REDIC1: variants seen among roughly 807,000 people sequenced by gnomAD.
REDIC1 encodes HEI10 Interacting Protein 1.
At chr12:39,677,549 CAAAG>C in the REDIC1 span, among the ~76,000 whole-genome samples, 2 of 152,076 alleles carry the variant, frequency 1.3e-5, no homozygotes, top group South Asian at 4.1e-4. Flanking sequence ...AGAAAGTCAA[CAAAG>C]AAACAATAGG....
chr12:39,650,147 A>C, the REDIC1 span: 1 of 1,233,716 alleles, frequency 8.1e-7, no homozygotes, highest in Non-Finnish European at 1.1e-6. This position sits in a 1 kb window ranked among gnomAD's most constrained non-coding sequence, Gnocchi z 4.3. Context: ...ATATAAATGT[A>C]GTTCATTTAC....
chr12:39,683,201 T>C, the REDIC1 span: 1 of 1,423,162 alleles, frequency 7.0e-7, no homozygotes, highest in Non-Finnish European at 9.5e-7. Flanking sequence ...TTTTAGTATA[T>C]ATATTTGTAT....
the REDIC1 span, among the ~76,000 whole-genome samples, chr12:39,890,322 G>A: frequency 6.6e-6 from 1 of 151,734 alleles, no homozygotes; most frequent in African/African-American, 2.4e-5. Context: ...TTATAAAACT[G>A]AAAAAAAATA....
chr12:39,791,233 A>T, the REDIC1 span, among the ~76,000 whole-genome samples: 1 of 147,774 alleles, frequency 6.8e-6, no homozygotes, highest in Admixed American at 6.8e-5. Context: ...TCAAAATAAT[A>T]AGAGCTATCT....
At chr12:39,726,244 G>T in the REDIC1 span, among the ~76,000 whole-genome samples, 1 of 151,948 alleles carries the variant, frequency 6.6e-6, no homozygotes, top group African/African-American at 2.4e-5. Flanking sequence ...CATGTGCCAT[G>T]GTGGTTTGCT....
chr12:39,677,965 C>G, the REDIC1 span, among the ~76,000 whole-genome samples: 1 of 152,064 alleles, frequency 6.6e-6, no homozygotes, highest in Non-Finnish European at 1.5e-5. Context: ...AAGTTAATAG[C>G]ATTAAATGCC....
the REDIC1 span, among the ~76,000 whole-genome samples, chr12:39,834,857 T>C: frequency 6.6e-6 from 1 of 152,076 alleles, no homozygotes; most frequent in Admixed American, 6.6e-5. Context: ...ATTTAGAAGG[T>C]GGCACAAAAC....
the REDIC1 span, among the ~76,000 whole-genome samples, chr12:39,900,092 C>T: frequency 6.6e-6 from 1 of 152,134 alleles, no homozygotes; most frequent in Non-Finnish European, 1.5e-5. Flanking sequence ...ACAAAAACCA[C>T]ATGATTATCT....
chr12:39,726,365 A>G, the REDIC1 span, among the ~76,000 whole-genome samples: 4 of 151,854 alleles, frequency 2.6e-5, no homozygotes, highest in African/African-American at 7.3e-5. Context: ...CCCTGTGTGC[A>G]TGTGTTCTCA....
the REDIC1 span, among the ~76,000 whole-genome samples, chr12:39,713,532 A>G: frequency 0.056 from 8,361 of 149,424 alleles, 374 homozygotes; most frequent in African/African-American, 0.13. Flanking sequence ...ACATGTGTAC[A>G]CGTACATACG....
the REDIC1 span, among the ~76,000 whole-genome samples, chr12:39,869,985 T>C: frequency 1.3e-5 from 2 of 152,136 alleles, no homozygotes; most frequent in South Asian, 2.1e-4. Context: ...AATGAGAAAA[T>C]AGAACCTTGC....
the REDIC1 span, chr12:39,646,700 C>A: frequency 1.7e-6 from 1 of 578,628 alleles, no homozygotes; most frequent in Non-Finnish European, 2.8e-6. Flanking sequence ...TTTTATAAAA[C>A]TTAGTAATAT....
the REDIC1 span, among the ~76,000 whole-genome samples, chr12:39,738,470 C>T: frequency 0.06 from 9,154 of 152,200 alleles, 352 homozygotes; most frequent in East Asian, 0.12. Context: ...CATCCACACC[C>T]GGTTGCCTAA....
the REDIC1 span, among the ~76,000 whole-genome samples, chr12:39,680,118 C>T: frequency 1.8e-3 from 278 of 152,142 alleles, no homozygotes; most frequent in African/African-American, 5.9e-3. Context: ...GCAACAAAAA[C>T]AAAAATAAAC....
At chr12:39,698,585 TAC>T in the REDIC1 span, among the ~76,000 whole-genome samples, 73 of 152,304 alleles carry the variant, frequency 4.8e-4, no homozygotes, top group African/African-American at 1.5e-3. Context: ...AAGATAGACA[TAC>T]GTTAGGCAAC....
At chr12:39,690,104 A>G in the REDIC1 span, among the ~76,000 whole-genome samples, 29 of 152,142 alleles carry the variant, frequency 1.9e-4, no homozygotes, top group Non-Finnish European at 3.1e-4. Context: ...CACCAATGGG[A>G]TGGAATGAAG....
At chr12:39,853,256 T>C in the REDIC1 span, among the ~76,000 whole-genome samples, 5 of 152,266 alleles carry the variant, frequency 3.3e-5, no homozygotes, top group Admixed American at 3.3e-4. Context: ...ATATCCTTTG[T>C]GGAAAATAAA....
the REDIC1 span, chr12:39,830,106 C>T: frequency 1.2e-6 from 2 of 1,613,588 alleles, no homozygotes; most frequent in South Asian, 1.1e-5. Context: ...GATATACCTG[C>T]CCCAGGCTGC....
the REDIC1 span, among the ~76,000 whole-genome samples, chr12:39,854,804 A>G: frequency 6.6e-6 from 1 of 152,034 alleles, no homozygotes; most frequent in Admixed American, 6.6e-5. Flanking sequence ...CAAGCTTTAT[A>G]ATTTTCTTGA....
Sources: allele counts gnomAD v4.1 joint callset (sites outside exome capture counted in the v4.1 genomes callset), GRCh38; gene constraint gnomAD v4.1.1; non-coding constraint Gnocchi (gnomAD v3.1); transcripts MANE v1.5; gene names NCBI Gene and HGNC (gene_info 2026-07-23, HGNC 2026-07-21).